ATP2C2: variants seen among roughly 807,000 people sequenced by gnomAD.
ATP2C2 encodes the protein ATPase secretory pathway Ca2+ transporting 2, also known as calcium-transporting ATPase type 2C member 2.
Under a neutral mutation model 110.8 loss-of-function variants are expected in ATP2C2, and 171 were observed. That is an observed-to-expected ratio of 1.54 (90% CI 1.36 to 1.75). ATP2C2 has a LOEUF of 1.75. Among genes scored for constraint, ATP2C2 ranks in the 40% most tolerant of loss-of-function variants. The pLI, the probability that ATP2C2 is intolerant of heterozygous loss-of-function variation, is 0.00. For missense variants in ATP2C2, 1,963 were observed against 1,235.0 expected (o/e 1.59, Z -8.84); for synonymous variants, 804 against 508.4 (o/e 1.58, Z -7.82).
intron 1 of ATP2C2, among the ~76,000 whole-genome samples, chr16:84,381,017 G>T (rs992697765): frequency 1.3e-5 from 2 of 152,186 alleles, no homozygotes; most frequent in African/African-American, 2.4e-5. Flanking sequence ...ATGCGCGTCC[G>T]TGTGAAGAGA....
intron 1 of ATP2C2, among the ~76,000 whole-genome samples, chr16:84,389,197 C>T (rs186306077): frequency 2.0e-3 from 309 of 152,296 alleles, no homozygotes; most frequent in African/African-American, 6.9e-3. Flanking sequence ...CCACATGAGC[C>T]GTTTTCTTGT....
At chr16:84,400,497 T>G (rs1193478217) in intron 2 of ATP2C2, among the ~76,000 whole-genome samples, 1 of 152,130 alleles carries the variant, frequency 6.6e-6, no homozygotes, top group Non-Finnish European at 1.5e-5. Flanking sequence ...TGGCTAATTT[T>G]TTTGTATTTT....
chr16:84,454,693 G>A, intron 20 of ATP2C2, 125 bp from the exon 21 acceptor site: 1 of 1,006,070 alleles, frequency 9.9e-7, no homozygotes, highest in Non-Finnish European at 1.4e-6. Flanking sequence ...TGTGGGTGAA[G>A]CTGGGATTCG....
intron 11 of ATP2C2, among the ~76,000 whole-genome samples, chr16:84,437,060 C>T (rs142660849): frequency 6.6e-6 from 1 of 152,158 alleles, no homozygotes; most frequent in Non-Finnish European, 1.5e-5. Context: ...CCACACCCGG[C>T]CTTTTTCTTT....
intron 15 of ATP2C2, among the ~76,000 whole-genome samples, chr16:84,445,736 A>G (rs1909685851): frequency 6.6e-6 from 1 of 152,198 alleles, no homozygotes; most frequent in Non-Finnish European, 1.5e-5. Context: ...TGGTAGATAC[A>G]CTGTATTGTA....
At chr16:84,463,542 G>C in intron 26 of ATP2C2, 72 bp from the exon 27 acceptor site, 1 of 1,298,924 alleles carries the variant, frequency 7.7e-7, no homozygotes, top group Non-Finnish European at 1.1e-6. Flanking sequence ...AGGACTGGCA[G>C]GGAAGGCGCT....
chr16:84,373,449 A>C (rs1910074479), intron 1 of ATP2C2, among the ~76,000 whole-genome samples: 1 of 151,580 alleles, frequency 6.6e-6, no homozygotes, highest in African/African-American at 2.4e-5. Flanking sequence ...GCAGTGAGCC[A>C]AGATTGCGCC....
chr16:84,428,468 C>G (rs1907980467), intron 11 of ATP2C2, among the ~76,000 whole-genome samples: 1 of 152,190 alleles, frequency 6.6e-6, no homozygotes, highest in Non-Finnish European at 1.5e-5. Context: ...ATTGGAAATA[C>G]TGTGTCTGGC....
chr16:84,410,997 T>G (rs1906235371), intron 6 of ATP2C2: 1 of 567,730 alleles, frequency 1.8e-6, no homozygotes, highest in Non-Finnish European at 3.2e-6. Context: ...TAAATCAGGG[T>G]GCCTAGCCTG....
At chr16:84,440,036 A>G (rs900166417) in intron 13 of ATP2C2, among the ~76,000 whole-genome samples, 3 of 152,146 alleles carry the variant, frequency 2.0e-5, no homozygotes, top group African/African-American at 4.8e-5. Context: ...GGGTATCACT[A>G]TATGTTGGCC....
At chr16:84,423,432 C>G (rs1012717784) in intron 10 of ATP2C2, among the ~76,000 whole-genome samples, 169 bp downstream of exon 10, 17 of 152,314 alleles carry the variant, frequency 1.1e-4, no homozygotes, top group East Asian at 9.6e-4. Context: ...ATAGTTGGAC[C>G]AGGCTGGCTG....
At chr16:84,410,883 C>T (rs1342795276) in intron 6 of ATP2C2, 118 bp downstream of exon 6, 2 of 1,024,078 alleles carry the variant, frequency 2.0e-6, no homozygotes, top group Admixed American at 2.0e-5. Context: ...AGAACCACAT[C>T]TCACTGGGAG....
intron 11 of ATP2C2, among the ~76,000 whole-genome samples, chr16:84,437,255 A>G (rs948929754): frequency 5.3e-5 from 8 of 152,000 alleles, no homozygotes; most frequent in African/African-American, 1.9e-4. Context: ...TGACATGATC[A>G]TGGCCCACTG....
At chr16:84,404,497 G>A (rs1402302488) in intron 2 of ATP2C2, 5 of 170,998 alleles carry the variant, frequency 2.9e-5, no homozygotes, top group African/African-American at 1.2e-4. Flanking sequence ...TCAACTTAAA[G>A]GTGTATCCAT....
rs149355397 is a variant in ATP2C2 at position 84,404,650 on chromosome 16, C to T, written c.211-478C>T. Reference sequence around the variant, plus strand: ...CTTTTTGCTTTTGTGAACAGTGCTACGAACATGGTTGTACAAACATCTCTT... The same window carrying T: ...CTTTTTGCTTTTGTGAACAGTGCTATGAACATGGTTGTACAAACATCTCTT... On this transcript the variant is annotated intron_variant, in intron 2 of 26. Transcript: ENST00000262429. 7.5e-4 allele frequency: 236 copies of T among 316,400 alleles called. 3 individuals are homozygous for T. The highest frequency in any genetic ancestry group is 3.6e-3 in the African/African-American group (168 of 46,030). The allele number at this position is 316,400 out of a possible 1,614,324, so 19.6% of individuals were successfully genotyped here. A position where few individuals can be genotyped will look rare whatever the true frequency, so the allele number is the denominator to read the frequency against.
chr16:84,403,792 G>A (rs1297147815), intron 2 of ATP2C2, among the ~76,000 whole-genome samples: 2 of 152,010 alleles, frequency 1.3e-5, no homozygotes, highest in African/African-American at 4.8e-5. Context: ...CCAGCTTCAA[G>A]CGATTCTCCT....
At chr16:84,458,790 C>T (rs758280255) in intron 21 of ATP2C2, among the ~76,000 whole-genome samples, 14 of 152,204 alleles carry the variant, frequency 9.2e-5, no homozygotes, top group African/African-American at 3.1e-4. Context: ...CGCGGAGATG[C>T]ACGGCGCACT....
Position 84,410,569 on chromosome 16 carries a change from C to T in ATP2C2, c.419C>T (p.Ala140Val). The part of the protein sequence containing the change: ...EYEDAVSIAT[A>V]VLVVVTVAFI... ...CACCCTCCTCCGTTTGCTGTCTAGG[C>T]AGTGCTTGTCGTGGTCACTGTCGCC... Residue 140 changes from alanine to valine, a missense_variant and splice_region_variant, in exon 5 of 27, where the codon GCA (alanine) becomes GTA (valine). By Grantham distance (64) the Ala-to-Val change is moderately conservative (BLOSUM62 0). Coordinates refer to ENST00000262429, the MANE Select transcript of ATP2C2 (RefSeq NM_014861.4). The T allele has an allele frequency of 1.2e-6, 2 of 1,613,978 alleles. No homozygotes were observed. The highest frequency in any genetic ancestry group is 1.7e-6 in the Non-Finnish European group (2 of 1,179,950).
intron 2 of ATP2C2, among the ~76,000 whole-genome samples, chr16:84,403,980 C>T (rs993320567): frequency 2.6e-5 from 4 of 152,212 alleles, no homozygotes; most frequent in Non-Finnish European, 4.4e-5. Context: ...CCTGAGCCAC[C>T]AAGCCCTACC....
Sources: allele counts gnomAD v4.1 joint callset (sites outside exome capture counted in the v4.1 genomes callset), GRCh38; gene constraint gnomAD v4.1.1; transcripts MANE v1.5; gene names NCBI Gene and HGNC (gene_info 2026-07-23, HGNC 2026-07-21).